Variants in ZKSCAN5 observed in about 807,000 individuals in gnomAD.
The protein encoded by ZKSCAN5 is zinc finger protein with KRAB and SCAN domains 5.
Under a neutral mutation model 60.0 loss-of-function variants are expected in ZKSCAN5, and 28 were observed. The ratio of observed to expected loss-of-function variants is 0.47; its 90% confidence interval spans 0.35 to 0.64. ZKSCAN5 has a LOEUF of 0.64. Among genes scored for constraint, ZKSCAN5 ranks in the 30% least tolerant of loss-of-function variants. The pLI is 0.01. For missense variants in ZKSCAN5, 881 were observed against 1,034.6 expected (o/e 0.85, Z 2.04); for synonymous variants, 361 against 371.2 (o/e 0.97, Z 0.31).
chr7:99,507,425 C>T (rs1800787183), intron 2 of ZKSCAN5, among the ~76,000 whole-genome samples: 1 of 150,526 alleles, frequency 6.6e-6, no homozygotes, highest in Non-Finnish European at 1.5e-5. Flanking sequence ...ATGTAATATA[C>T]ATAATGTATG....
chr7:99,505,889 G>A (rs964984191), intron 1 of ZKSCAN5, 116 bp from the exon 2 acceptor site: 19 of 844,808 alleles, frequency 2.2e-5, no homozygotes, highest in Non-Finnish European at 2.9e-5. Flanking sequence ...CTTTAGTATA[G>A]ATGACCTCTT....
intron 6 of ZKSCAN5, 40 bp downstream of exon 6, chr7:99,526,458 C>A: frequency 6.4e-7 from 1 of 1,564,008 alleles, no homozygotes; most frequent in Admixed American, 1.8e-5. Context: ...TAAATGGAGG[C>A]GAAAAGCAAA....
At chr7:99,507,565 GTATA>G (rs776829071) in intron 2 of ZKSCAN5, among the ~76,000 whole-genome samples, 2 of 146,224 alleles carry the variant, frequency 1.4e-5, no homozygotes, top group African/African-American at 2.5e-5. Context: ...ATATATATGT[GTATA>G]TATATGTGTA....
intron 3 of ZKSCAN5, 29 bp from the exon 4 acceptor site, chr7:99,519,798 C>T: frequency 6.3e-7 from 1 of 1,594,836 alleles, no homozygotes; most frequent in East Asian, 2.2e-5. Context: ...AAGATGTTCT[C>T]ACTTAAACCT....
chr7:99,509,848 A>G (rs182454601), intron 2 of ZKSCAN5, among the ~76,000 whole-genome samples: 49 of 151,974 alleles, frequency 3.2e-4, no homozygotes, highest in Non-Finnish European at 1.5e-5. Context: ...ATATTTTTTT[A>G]CCTTTTGGAA....
Position 99,506,465 on chromosome 7 carries a change from C to A in ZKSCAN5, c.414+7C>A. 1 of 1,601,486 alleles carries A rather than the reference C, an allele frequency of 6.2e-7. No homozygotes were observed. Among genetic ancestry groups the A allele is most frequent in the South Asian group, 1.1e-5 (1 of 89,610 alleles). On this transcript the variant is annotated splice_region_variant and intron_variant, in intron 2 of 6. Transcript: ENST00000326775. ...TGAGGAACGCAGACAGCAGGTGAGT[C>A]AAAGAGAAGCTATATGAGCAATGAA... is the stretch of plus-strand genomic sequence containing the variant.
rs1367797637 is a variant in ZKSCAN5, at chr7:99,534,363, A to G, written c.*2114A>G. 2.0e-5 allele frequency: 3 copies of G among 152,118 alleles called. No homozygotes were observed. The highest frequency in any genetic ancestry group is 2.9e-5 in the Non-Finnish European group (2 of 68,074). The allele number at this position is 152,118 out of a possible 1,614,324, so 9.4% of individuals were successfully genotyped here. Reference sequence around the variant, plus strand: ...GCTGGGACTACAGGCACATGCCACCATGAGTGGCTAATTTTTAAAAAACAT... The same window carrying G: ...GCTGGGACTACAGGCACATGCCACCGTGAGTGGCTAATTTTTAAAAAACAT... On this transcript the variant is annotated 3_prime_UTR_variant, in exon 7 of 7. Coordinates refer to ENST00000326775, the MANE Select transcript of ZKSCAN5 (RefSeq NM_145102.4).
chr7:99,517,565 C>A (rs1231745737), intron 3 of ZKSCAN5, among the ~76,000 whole-genome samples: 4 of 152,258 alleles, frequency 2.6e-5, no homozygotes, highest in Admixed American at 2.6e-4. Context: ...CCTGTAATCC[C>A]AGCTACTCAG....
intron 2 of ZKSCAN5, among the ~76,000 whole-genome samples, chr7:99,508,039 C>T (rs1355027495): frequency 6.6e-6 from 1 of 152,102 alleles, no homozygotes; most frequent in Non-Finnish European, 1.5e-5. Context: ...GTAGCTCATG[C>T]CTGTAATCCC....
At chr7:99,520,381 A>G in intron 5 of ZKSCAN5, 77 bp downstream of exon 5, 1 of 1,477,398 alleles carries the variant, frequency 6.8e-7, no homozygotes. Flanking sequence ...GGCTCATCTT[A>G]TAATGGCATT....
intron 6 of ZKSCAN5, among the ~76,000 whole-genome samples, chr7:99,530,431 T>G (rs1360930879): frequency 6.6e-6 from 1 of 152,158 alleles, no homozygotes; most frequent in Non-Finnish European, 1.5e-5. Flanking sequence ...ATGTTCAGCA[T>G]TTTTTTCATG....
chr7:99,505,825 G>T (rs1361018521), intron 1 of ZKSCAN5, 180 bp from the exon 2 acceptor site: 3 of 467,382 alleles, frequency 6.4e-6, no homozygotes, highest in Non-Finnish European at 1.2e-5. Flanking sequence ...TGGGTGAAGT[G>T]ATGGCTACCT....
At chr7:99,518,224 G>C (rs55894062) in intron 3 of ZKSCAN5, among the ~76,000 whole-genome samples, 2,656 of 151,986 alleles carry the variant, frequency 0.017, 75 homozygotes, top group African/African-American at 0.06. Flanking sequence ...AGTTTGAGAC[G>C]ATCCTGGACA....
At chr7:99,509,046 T>C (rs1440357886) in intron 2 of ZKSCAN5, among the ~76,000 whole-genome samples, 1 of 152,058 alleles carries the variant, frequency 6.6e-6, no homozygotes, top group Non-Finnish European at 1.5e-5. Flanking sequence ...TGGAGTGCAG[T>C]GGTGCGATCT....
At chr7:99,531,056 C>CAA (rs112083284) in intron 6 of ZKSCAN5, 52 bp from the exon 7 acceptor site, 126 of 1,156,944 alleles carry the variant, frequency 1.1e-4, no homozygotes, top group Middle Eastern at 2.5e-4. Flanking sequence ...GACCCCATCT[C>CAA]AAAAAAAAAA....
chr7:99,510,726 G>A (rs890033633), intron 2 of ZKSCAN5, among the ~76,000 whole-genome samples: 2 of 152,044 alleles, frequency 1.3e-5, no homozygotes, highest in Non-Finnish European at 2.9e-5. Context: ...TTACAGGCAT[G>A]AGCCACTGCG....
chr7:99,527,255 A>G (rs77993862), intron 6 of ZKSCAN5, among the ~76,000 whole-genome samples: 3,879 of 152,290 alleles, frequency 0.025, 70 homozygotes, highest in South Asian at 0.048. Context: ...CTCTTAGCCC[A>G]GAAGTTCAAG....
In ZKSCAN5 at chr7:99,506,060, T is replaced by C; in HGVS notation, c.16T>C (p.Ser6Pro). 6.2e-7 allele frequency: 1 copy of C among 1,613,436 alleles called. No homozygotes were observed. The highest frequency in any genetic ancestry group is 8.5e-7 in the Non-Finnish European group (1 of 1,179,612). ...CTGAGTTGGAATGATAATGACCGAA[T>C]CCCGAGAAGTTATAGACTTAGACCC... MIMTESREVIDLDPPA... is the reference protein window; with the variant it reads MIMTEPREVIDLDPPA... The change falls in exon 2 of 7, where the codon TCC becomes CCC. Residue 6 changes from serine (S) to proline (P), a missense_variant. By Grantham distance (74) the Ser-to-Pro change is moderately conservative. Coordinates refer to ENST00000326775, the MANE Select transcript of ZKSCAN5 (RefSeq NM_145102.4).
chr7:99,507,634 TC>T (rs900709940), intron 2 of ZKSCAN5, among the ~76,000 whole-genome samples: 2 of 151,312 alleles, frequency 1.3e-5, no homozygotes, highest in African/African-American at 4.9e-5. Flanking sequence ...GCGCAGTGGC[TC>T]ACACCTGTAA....
Sources: allele counts gnomAD v4.1 joint callset (sites outside exome capture counted in the v4.1 genomes callset), GRCh38; gene constraint gnomAD v4.1.1; transcripts MANE v1.5; gene names NCBI Gene and HGNC (gene_info 2026-07-23, HGNC 2026-07-21).